Variants in SLC26A4 observed in about 807,000 individuals in gnomAD.
The protein encoded by SLC26A4 is pendrin.
SLC26A4 carries 93 observed loss-of-function variants against 90.4 expected under a neutral mutation model. The observed-to-expected ratio is 1.03, with a 90% CI of 0.87 to 1.22. SLC26A4 has a LOEUF of 1.22. Ranked by LOEUF, SLC26A4 falls within the 50% of genes most tolerant of loss-of-function variation. The pLI is 0.00. For missense variants in SLC26A4, 1,127 were observed against 946.2 expected (o/e 1.19, Z -2.51); for synonymous variants, 393 against 354.6 (o/e 1.11, Z -1.22).
chr7:107,711,683 T>C (rs1176911278), intron 19 of SLC26A4, among the ~76,000 whole-genome samples: 1 of 152,176 alleles, frequency 6.6e-6, no homozygotes, highest in Non-Finnish European at 1.5e-5. Flanking sequence ...ATAAACTCCT[T>C]CAAGAGGGAG....
chr7:107,662,134 C>G (rs1007830789), intron 2 of SLC26A4: 13 of 386,052 alleles, frequency 3.4e-5, no homozygotes, highest in South Asian at 7.6e-5. Flanking sequence ...CTGTTGCCTT[C>G]TTGGGAGCTT....
intron 3 of SLC26A4, among the ~76,000 whole-genome samples, chr7:107,666,902 T>C (rs1390630977): frequency 1.5e-4 from 23 of 152,038 alleles, no homozygotes; most frequent in Admixed American, 1.5e-3. Flanking sequence ...AAAGGGAGAA[T>C]GGGTGTGTCA....
At position 107,698,037 on chromosome 7, in the gene SLC26A4, T is replaced by G. The variant is rs77944876; in HGVS notation, c.1545-5T>G. The G allele has an allele frequency of 1.6e-3, 2,600 of 1,596,872 alleles. 30 individuals carry two copies. In the African/African-American group the frequency reaches 0.029, roughly 18 times the overall value. On this transcript the variant is annotated splice_region_variant and splice_polypyrimidine_tract_variant and intron_variant, in intron 13 of 20. Transcript: ENST00000644269. ...AAATCTTGACCTTGATATTTTTTCT[T>G]CTAGTCCTTCTTGGAATGGCCTTGG...
chr7:107,674,295 A>C lies in SLC26A4; in HGVS notation c.547A>C (p.Thr183Pro). Reference sequence around the variant, plus strand: ...TATGATAGACACTGCAGCTAGAGATACAGCTAGAGTCCTGATTGCCAGTGC... The same window carrying C: ...TATGATAGACACTGCAGCTAGAGATCCAGCTAGAGTCCTGATTGCCAGTGC... ...TTMIDTAARD[T>P]ARVLIASALT... is the part of the protein sequence containing the mutation. The change falls in exon 5 of 21, where the codon ACA (threonine) becomes CCA (proline). Residue 183 changes from threonine to proline, a missense_variant. Transcript: ENST00000644269. 1 of 1,613,936 alleles carries C rather than the reference A, an allele frequency of 6.2e-7. No individual in the cohort carries two copies. Among genetic ancestry groups the C allele is most frequent in the South Asian group, 1.1e-5 (1 of 91,080 alleles).
chr7:107,662,481 C>T (rs1171354097), intron 2 of SLC26A4, among the ~76,000 whole-genome samples: 1 of 151,816 alleles, frequency 6.6e-6, no homozygotes, highest in Non-Finnish European at 1.5e-5. Context: ...ACCCATCACT[C>T]GGCCTCAACT....
intron 2 of SLC26A4, among the ~76,000 whole-genome samples, chr7:107,662,455 A>AC (rs1790588053): frequency 6.7e-6 from 1 of 148,566 alleles, no homozygotes; most frequent in Admixed American, 6.8e-5. Context: ...TGAACTCCCC[A>AC]CCCCCACCGT....
At chr7:107,663,025 T>C (rs1440297356) in intron 2 of SLC26A4, among the ~76,000 whole-genome samples, 3 of 152,178 alleles carry the variant, frequency 2.0e-5, no homozygotes, top group East Asian at 1.9e-4. Flanking sequence ...AAATAGGTTT[T>C]TGTGTAGGAA....
rs138816005 is a variant in SLC26A4 at position 107,683,308 on chromosome 7, G to A, written c.872G>A (p.Arg291Gln). The A allele has an allele frequency of 7.4e-5, 120 of 1,613,618 alleles. No individual in the cohort carries two copies. Among genetic ancestry groups the A allele is most frequent in the African/African-American group, 6.0e-4 (45 of 74,988 alleles). ...VCMAVKELND[R>Q]FRHKIPVPIP... Reference sequence around the variant, plus strand: ...ATGGCAGTTAAGGAATTAAATGATCGGTTTAGACACAAAATCCCAGTCCCT... The same window carrying A: ...ATGGCAGTTAAGGAATTAAATGATCAGTTTAGACACAAAATCCCAGTCCCT... The change falls in exon 7 of 21, where the codon CGG (arginine) becomes CAG (glutamine). Residue 291 changes from arginine to glutamine, a missense_variant. Transcript: ENST00000644269.
chr7:107,688,288 G>T (rs184734209), intron 8 of SLC26A4, among the ~76,000 whole-genome samples: 1 of 152,174 alleles, frequency 6.6e-6, no homozygotes, highest in South Asian at 2.1e-4. Flanking sequence ...TTAGGCATAA[G>T]TGATGTAGGT....
In SLC26A4 at chr7:107,716,927, G is replaced by T. The variant is rs932981186; in HGVS notation, c.*1481G>T. 1.3e-5 allele frequency: 2 copies of T among 152,182 alleles called. No homozygotes were observed. The highest frequency in any genetic ancestry group is 4.8e-5 in the African/African-American group (2 of 41,440). The allele number at this position is 152,182 out of a possible 1,614,324, so 9.4% of individuals were successfully genotyped here. ...AGAAACAATGTGTCTATTTCTGAAA[G>T]AATAGGATTAATGATCATACAAATG... On this transcript the variant is annotated 3_prime_UTR_variant, in exon 21 of 21. Transcript: ENST00000644269.
chr7:107,699,241 G>A (rs2129317721), intron 14 of SLC26A4, among the ~76,000 whole-genome samples: 2 of 152,204 alleles, frequency 1.3e-5, no homozygotes, highest in East Asian at 3.9e-4. Context: ...AAGTCATTCA[G>A]CCTCTCAGGA....
In SLC26A4 at chr7:107,686,405, TTTTCTTTCTTTCTTTC is replaced by T. The variant is rs774114215; in HGVS notation, c.1002-2612_1002-2597del. 2.5e-3 allele frequency among the ~76,000 whole-genome samples: 203 copies of T among 82,576 alleles called. 1 individual carries two copies. Among genetic ancestry groups the T allele is most frequent in the Middle Eastern group, 4.6e-3 (1 of 216 alleles). 54.2% of individuals were successfully genotyped at this position (82,576 alleles called of 152,430 possible). A position where few individuals can be genotyped will look rare whatever the true frequency, so the allele number is the denominator to read the frequency against. ...TCCTTCCTTCCTTCCTCTCTCTCTT[TTTTCTTTCTTTCTTTC>T]TTTCTTTCTTTCTTTCTTTCTTTCT... On this transcript the variant is annotated intron_variant, in intron 8 of 20. Transcript: ENST00000644269.
intron 6 of SLC26A4, among the ~76,000 whole-genome samples, chr7:107,677,406 T>C (rs1584310301): frequency 6.6e-6 from 1 of 152,136 alleles, no homozygotes; most frequent in African/African-American, 2.4e-5. Flanking sequence ...TGTAAGGCAC[T>C]TAGCACAATA....
chr7:107,661,682 C>A lies in SLC26A4; in HGVS notation c.41C>A (p.Pro14His). 1 of 1,572,676 alleles carries A rather than the reference C, an allele frequency of 6.4e-7. No homozygotes were observed. The highest frequency in any genetic ancestry group is 2.3e-5 in the East Asian group (1 of 43,202). ...PGGRSEPPQLPEYSCSYMVSR... is the reference protein window; with the variant it reads ...PGGRSEPPQLHEYSCSYMVSR... ...GGCAGGTCGGAGCCGCCGCAGCTCC[C>A]CGAGTACAGCTGCAGCTACATGGTG... The change falls in exon 2 of 21, where the codon CCC becomes CAC. Residue 14 changes from proline to histidine, a missense_variant. Pro to His is a moderately conservative substitution (Grantham distance 77). Coordinates refer to ENST00000644269, the MANE Select transcript of SLC26A4 (RefSeq NM_000441.2). The surrounding 1 kb of genome is among the most constrained non-coding windows in gnomAD (Gnocchi z 5.1).
chr7:107,665,243 G>A (rs115827056), intron 3 of SLC26A4, among the ~76,000 whole-genome samples: 2,260 of 152,270 alleles, frequency 0.015, 61 homozygotes, highest in African/African-American at 0.052. Flanking sequence ...GCAATATTGT[G>A]AGCTAAAATT....
intron 3 of SLC26A4, among the ~76,000 whole-genome samples, chr7:107,667,473 A>AG (rs1790748957): frequency 6.7e-6 from 1 of 150,034 alleles, no homozygotes; most frequent in African/African-American, 2.4e-5. Context: ...AAAAAAAAAA[A>AG]AAAAAAAAAA....
At chr7:107,686,374 TC>T (rs1791408470) in intron 8 of SLC26A4, among the ~76,000 whole-genome samples, 1 of 136,498 alleles carries the variant, frequency 7.3e-6, no homozygotes, top group Non-Finnish European at 1.6e-5. Flanking sequence ...CTCCCTTTCC[TC>T]CCCTTCCTTC....
At chr7:107,712,702 A>G in intron 20 of SLC26A4, 80 bp downstream of exon 20, 1 of 809,616 alleles carries the variant, frequency 1.2e-6, no homozygotes, top group Non-Finnish European at 2.2e-6. Context: ...AATATATCTG[A>G]TTAAGAACTG....
At chr7:107,692,709 C>A (rs1421068827) in intron 10 of SLC26A4, among the ~76,000 whole-genome samples, 1 of 152,150 alleles carries the variant, frequency 6.6e-6, no homozygotes, top group African/African-American at 2.4e-5. Flanking sequence ...CACTGACTCA[C>A]AGAAAAGTAA....
Sources: gnomAD v4.1 joint callset for allele counts (sites outside exome capture counted in the v4.1 genomes callset) on GRCh38, gnomAD v4.1.1 for gene constraint, Gnocchi (gnomAD v3.1) non-coding constraint, MANE v1.5 for transcripts, NCBI Gene and HGNC (gene_info 2026-07-23, HGNC 2026-07-21) for gene names.